Variants in PDE4D observed in about 807,000 individuals in gnomAD.
PDE4D encodes the protein phosphodiesterase 4D, also known as 3',5'-cyclic-AMP phosphodiesterase 4D.
In PDE4D, 24 loss-of-function variants were observed where a neutral mutation model predicts 87.4. The ratio of observed to expected loss-of-function variants is 0.27; its 90% confidence interval spans 0.20 to 0.39. PDE4D has a LOEUF of 0.39. Among genes scored for constraint, PDE4D ranks in the 10% least tolerant of loss-of-function variants. The probability of loss-of-function intolerance (pLI) is 1.00; values close to 1 mark genes in which losing one functional copy is unlikely to be tolerated. For synonymous variants in PDE4D, 384 were observed against 383.2 expected (o/e 1.00, Z -0.02); for missense variants, 714 against 1,041.0 (o/e 0.69, Z 4.32).
At chr5:59,027,717 T>G (rs1396615099) in intron 6 of PDE4D, among the ~76,000 whole-genome samples, 1 of 152,172 alleles carries the variant, frequency 6.6e-6, no homozygotes. Flanking sequence ...AGCAGGTCCT[T>G]ACTTTTTGGC....
In PDE4D at chr5:59,801,419, CCTAGGTATAT is replaced by C. The variant is rs1767112626; in HGVS notation, c.455+91739_455+91748del. ...ATCATTATTTGAGAAAGAGCTATTT[CCTAGGTATAT>C]TTTAGGAACTTATCTGGTGATATCT... On this transcript the variant is annotated intron_variant, in intron 1 of 14. Coordinates refer to ENST00000340635, the MANE Select transcript of PDE4D (RefSeq NM_001104631.2). Among the ~76,000 whole-genome samples, 7 of 152,224 alleles carry C rather than the reference CCTAGGTATAT, an allele frequency of 4.6e-5. No homozygotes were observed. The South Asian group carries it at 1.5e-3, about 32-fold the overall frequency.
At position 59,989,109 on chromosome 5, in the gene PDE4D, TATATATACACAC is replaced by T. The variant is rs200166065; in HGVS notation, c.43-404_43-393del. ...TGTCATATATATATATATATATATA[TATATATACACAC>T]ACACACATACAGTTATGCATCACTT... is the stretch of plus-strand genomic sequence containing the variant. On this transcript the variant is annotated intron_variant, in intron 2 of 16. Transcript: ENST00000502484. 3.2e-4 allele frequency among the ~76,000 whole-genome samples: 31 copies of T among 96,538 alleles called. 1 individual carries two copies. The highest frequency in any genetic ancestry group is 1.2e-3 in the South Asian group (3 of 2,406). 63.3% of individuals were successfully genotyped at this position (96,538 alleles called of 152,430 possible).
At chr5:59,824,435 C>T (rs746104366) in intron 1 of PDE4D, among the ~76,000 whole-genome samples, 8 of 152,156 alleles carry the variant, frequency 5.3e-5, no homozygotes, top group Non-Finnish European at 1.0e-4. Flanking sequence ...CGGTCTTGTT[C>T]ACTGCAGCAT....
At chr5:60,036,521 T>A (rs765433341) in intron 2 of PDE4D, among the ~76,000 whole-genome samples, 1 of 152,190 alleles carries the variant, frequency 6.6e-6, no homozygotes, top group Non-Finnish European at 1.5e-5. Context: ...TTTATTCAAC[T>A]TTCTCTGCAA....
chr5:59,015,594 G>A (rs2153369486), intron 6 of PDE4D, among the ~76,000 whole-genome samples: 1 of 152,132 alleles, frequency 6.6e-6, no homozygotes, highest in East Asian at 1.9e-4. Context: ...ACACCAGTTA[G>A]AATGGCAATC....
At chr5:59,775,608 G>A (rs1010778518) in intron 1 of PDE4D, among the ~76,000 whole-genome samples, 2 of 152,146 alleles carry the variant, frequency 1.3e-5, no homozygotes, top group Non-Finnish European at 2.9e-5. Context: ...ATTGTTCATT[G>A]TATTACAAAC....
chr5:59,781,784 CAAAAAAAA>C (rs58613622), intron 1 of PDE4D, among the ~76,000 whole-genome samples: 2 of 39,862 alleles, frequency 5.0e-5, no homozygotes, highest in Non-Finnish European at 9.2e-5. Flanking sequence ...CACTCCATCT[CAAAAAAAA>C]AAAAAAAAAA....
chr5:59,377,359 G>GTGA (rs1261161563), intron 1 of PDE4D, among the ~76,000 whole-genome samples: 1 of 151,542 alleles, frequency 6.6e-6, no homozygotes, highest in East Asian at 1.9e-4. Context: ...GGAGGTTGCA[G>GTGA]TGAGCTGAGA....
intron 6 of PDE4D, among the ~76,000 whole-genome samples, chr5:59,003,134 G>A (rs1750884731): frequency 6.6e-6 from 1 of 152,114 alleles, no homozygotes; most frequent in Non-Finnish European, 1.5e-5. Context: ...TCTTGCCCCT[G>A]GCTTTTCCCC....
intron 1 of PDE4D, among the ~76,000 whole-genome samples, chr5:60,321,392 A>C (rs190551810): frequency 6.2e-4 from 94 of 152,296 alleles, no homozygotes; most frequent in Non-Finnish European, 5.1e-4. Context: ...ACAACAATTA[A>C]CCCAAGATGA....
chr5:59,975,191 G>A (rs1204737598), intron 3 of PDE4D, among the ~76,000 whole-genome samples: 1 of 152,066 alleles, frequency 6.6e-6, no homozygotes, highest in Non-Finnish European at 1.5e-5. Flanking sequence ...CCACCTTTTT[G>A]TCATCTTGAC....
intron 2 of PDE4D, among the ~76,000 whole-genome samples, chr5:60,182,815 GC>G (rs1291213270): frequency 6.6e-6 from 1 of 151,992 alleles, no homozygotes; most frequent in Non-Finnish European, 1.5e-5. Flanking sequence ...GGGAGGCGGA[GC>G]TTGCAGTGAG....
intron 1 of PDE4D, among the ~76,000 whole-genome samples, chr5:59,226,998 G>A (rs144375054): frequency 6.6e-6 from 1 of 152,128 alleles, no homozygotes; most frequent in Non-Finnish European, 1.5e-5. Context: ...TAAGAGTATG[G>A]AGGGAAGAGC....
At chr5:59,466,806 C>T (rs1262342115) in intron 1 of PDE4D, among the ~76,000 whole-genome samples, 2 of 152,148 alleles carry the variant, frequency 1.3e-5, no homozygotes, top group Admixed American at 6.6e-5. Context: ...AACCAATATA[C>T]ATGGAAGAAT....
intron 3 of PDE4D, among the ~76,000 whole-genome samples, chr5:59,914,721 G>T (rs141662006): frequency 1.3e-5 from 2 of 151,952 alleles, no homozygotes; most frequent in Admixed American, 1.3e-4. Context: ...GAAAACAGAC[G>T]GTAGAATGGC....
At chr5:59,543,573 G>A (rs1816734300) in intron 1 of PDE4D, among the ~76,000 whole-genome samples, 1 of 152,154 alleles carries the variant, frequency 6.6e-6, no homozygotes, top group Non-Finnish European at 1.5e-5. Context: ...GACAGGTTTA[G>A]AGAGGTCAAC....
rs1485507003 is a variant in PDE4D at position 59,707,240 on chromosome 5, A to G, written c.455+185928T>C. 9.2e-5 allele frequency among the ~76,000 whole-genome samples: 14 copies of G among 152,092 alleles called. 1 individual carries two copies. The East Asian group carries it at 2.1e-3, about 23-fold the overall frequency. ...TACATGTTCAGAGATAGCAAATGGA[A>G]AAACAGTGGATTGATTTTTATAACT... On this transcript the variant is annotated intron_variant, in intron 1 of 14. Transcript: ENST00000340635.
intron 1 of PDE4D, among the ~76,000 whole-genome samples, chr5:59,425,725 G>A (rs1472963370): frequency 1.3e-5 from 2 of 152,158 alleles, no homozygotes; most frequent in South Asian, 2.1e-4. Flanking sequence ...AAAATGGGAC[G>A]TATTCTTCTC....
intron 1 of PDE4D, among the ~76,000 whole-genome samples, chr5:59,684,355 G>A (rs1170566154): frequency 6.6e-6 from 1 of 152,024 alleles, no homozygotes; most frequent in Admixed American, 6.6e-5. Context: ...CTCCCCCACA[G>A]AGCATAGAAA....
Sources: allele counts gnomAD v4.1 joint callset (sites outside exome capture counted in the v4.1 genomes callset), GRCh38; gene constraint gnomAD v4.1.1; transcripts MANE v1.5; gene names NCBI Gene and HGNC (gene_info 2026-07-23, HGNC 2026-07-21).